FERMT1: variants seen among roughly 807,000 people sequenced by gnomAD.
FERMT1 encodes FERM domain containing kindlin 1.
A neutral mutation model predicts 85.3 loss-of-function variants in FERMT1; 60 were observed. The ratio of observed to expected loss-of-function variants is 0.70; its 90% CI spans 0.57 to 0.87. FERMT1 has a LOEUF of 0.87. FERMT1 is among the 40% of genes least tolerant of loss of function. The pLI is 0.00. For missense variants in FERMT1, 701 were observed against 818.9 expected, an observed-to-expected ratio of 0.86 and a Z score of 1.76; for synonymous variants, 275 against 301.1, an observed-to-expected ratio of 0.91 and a Z score of 0.90.
chr20:6,095,047 AACCTGC>A (rs1982465259), intron 8 of FERMT1, 59 bp from the exon 9 acceptor site: 1 of 897,450 alleles, frequency 1.1e-6, no homozygotes, highest in Admixed American at 1.7e-5. Flanking sequence ...GCTGATACTC[AACCTGC>A]ACTGTCTAAT....
chr20:6,114,234 T>C (rs991955959), intron 3 of FERMT1, among the ~76,000 whole-genome samples: 1 of 152,216 alleles, frequency 6.6e-6, no homozygotes, highest in African/African-American at 2.4e-5. Context: ...AAAATTTCAC[T>C]GTGAGCACTA....
intron 6 of FERMT1, among the ~76,000 whole-genome samples, chr20:6,107,223 A>G (rs1005790319): frequency 7.0e-6 from 1 of 143,516 alleles, no homozygotes; most frequent in Non-Finnish European, 1.5e-5. Flanking sequence ...AAAAAAAAAG[A>G]ACTCCAGCTC....
chr20:6,081,651 C>T lies in FERMT1; in HGVS notation c.1719-2074G>A, dbSNP rs543613312. 2.8e-4 allele frequency among the ~76,000 whole-genome samples: 42 copies of T among 152,038 alleles called. No homozygotes were observed. In the South Asian group the frequency reaches 8.1e-3, roughly 29 times the overall value. On this transcript the variant is annotated intron_variant, in intron 13 of 14. Transcript: ENST00000217289. Reference sequence around the variant, plus strand: ...AGCAAGGAATTGGAGGTAGTAGGTACGTACAATACATTCAAGAAGTTTTAC... The same window carrying T: ...AGCAAGGAATTGGAGGTAGTAGGTATGTACAATACATTCAAGAAGTTTTAC...
intron 13 of FERMT1, among the ~76,000 whole-genome samples, chr20:6,083,658 C>G (rs1011166381): frequency 4.8e-5 from 6 of 125,448 alleles, no homozygotes; most frequent in Admixed American, 8.2e-5. Flanking sequence ...ATGAGACACC[C>G]CCCCCCCCGG....
At chr20:6,095,855 T>C (rs940062564) in intron 8 of FERMT1, among the ~76,000 whole-genome samples, 9 of 152,190 alleles carry the variant, frequency 5.9e-5, no homozygotes, top group African/African-American at 1.2e-4. Context: ...AGAACATACA[T>C]TGAATGCAGA....
At chr20:6,116,721 C>T (rs1367589855) in intron 2 of FERMT1, among the ~76,000 whole-genome samples, 1 of 112,604 alleles carries the variant, frequency 8.9e-6, no homozygotes, top group Non-Finnish European at 1.8e-5. Context: ...AAGAGCAAAT[C>T]TCTGTCTCAA....
chr20:6,107,349 C>G (rs1982826901), intron 6 of FERMT1, among the ~76,000 whole-genome samples, 183 bp downstream of exon 6: 1 of 152,190 alleles, frequency 6.6e-6, no homozygotes, highest in South Asian at 2.1e-4. Flanking sequence ...GCTTACTGTG[C>G]TCAGTAGCGA....
chr20:6,084,782 C>T (rs1290988915), intron 12 of FERMT1, among the ~76,000 whole-genome samples: 2 of 151,920 alleles, frequency 1.3e-5, no homozygotes, highest in African/African-American at 2.4e-5. Flanking sequence ...CAGCCTCCAC[C>T]TCCTGGGCTC....
intron 14 of FERMT1, among the ~76,000 whole-genome samples, chr20:6,078,741 G>A (rs1981909413): frequency 1.3e-5 from 2 of 151,004 alleles, no homozygotes; most frequent in Non-Finnish European, 2.9e-5. Flanking sequence ...TTCCCACCTC[G>A]GCCTCCCAAA....
At chr20:6,087,141 AG>A (rs1240873240) in intron 11 of FERMT1, among the ~76,000 whole-genome samples, 1 of 152,092 alleles carries the variant, frequency 6.6e-6, no homozygotes, top group Non-Finnish European at 1.5e-5. Flanking sequence ...CCTCACCAAG[AG>A]GAGACCTTCC....
At chr20:6,093,413 G>C (rs1982418248) in intron 9 of FERMT1, among the ~76,000 whole-genome samples, 1 of 152,198 alleles carries the variant, frequency 6.6e-6, no homozygotes, top group African/African-American at 2.4e-5. Context: ...TAGCATAAGT[G>C]ATATGGATTC....
intron 6 of FERMT1, among the ~76,000 whole-genome samples, chr20:6,106,271 T>C (rs1465311469): frequency 1.3e-5 from 2 of 152,120 alleles, no homozygotes; most frequent in African/African-American, 4.8e-5. Flanking sequence ...AACCTCTCCT[T>C]AGAAATGACA....
intron 6 of FERMT1, among the ~76,000 whole-genome samples, chr20:6,101,701 GGAGTGCAATGGCGC>G (rs1201240621): frequency 6.6e-6 from 1 of 152,158 alleles, no homozygotes; most frequent in African/African-American, 2.4e-5. Flanking sequence ...TGCCCAGGCT[GGAGTGCAATGGCGC>G]GATCTCAGCT....
chr20:6,077,331 C>A lies in FERMT1; in HGVS notation c.1876G>T (p.Asp626Tyr). 1 of 1,614,048 alleles carries A rather than the reference C, an allele frequency of 6.2e-7. No individual in the cohort carries two copies. The highest frequency in any genetic ancestry group is 1.1e-5 in the South Asian group (1 of 91,054). Residue 626 changes from aspartate (D) to tyrosine (Y), a missense_variant, in exon 15 of 15, where the codon GAC (aspartate) becomes TAC (tyrosine). Coordinates refer to ENST00000217289, the MANE Select transcript of FERMT1 (RefSeq NM_017671.5). The stretch of plus-strand genomic sequence containing the variant: ...GTGAAAGCAGTAAAGACGTTTTGGT[C>A]AAACTCGATGACCACCTGGAAGAGG... ...WETRQVVIEF[D>Y]QNVFTAFTCL...
chr20:6,084,607 A>G (rs1015937009), intron 12 of FERMT1, among the ~76,000 whole-genome samples: 1 of 152,232 alleles, frequency 6.6e-6, no homozygotes, highest in Non-Finnish European at 1.5e-5. Flanking sequence ...CAATAATTTC[A>G]TAACATCATC....
At chr20:6,119,373 A>T (rs754891592) in intron 2 of FERMT1, 31 bp downstream of exon 2, 2 of 1,608,638 alleles carry the variant, frequency 1.2e-6, no homozygotes, top group Non-Finnish European at 1.7e-6. Context: ...GGTTTCTAAT[A>T]CAGAGAAACC....
intron 6 of FERMT1, among the ~76,000 whole-genome samples, chr20:6,100,587 G>GTAA (rs1337399077): frequency 6.6e-6 from 1 of 152,122 alleles, no homozygotes; most frequent in Admixed American, 6.6e-5. Context: ...TATTAAACAG[G>GTAA]TAAATGTATG....
At chr20:6,096,516 A>G (rs1387629149) in intron 8 of FERMT1, among the ~76,000 whole-genome samples, 1 of 152,142 alleles carries the variant, frequency 6.6e-6, no homozygotes, top group African/African-American at 2.4e-5. Flanking sequence ...AAAAAAGGAA[A>G]CAATTTTCTT....
At position 6,084,068 on chromosome 20, in the gene FERMT1, C is replaced by G; in HGVS notation, c.1690G>C (p.Glu564Gln). 1 of 1,614,146 alleles carries G rather than the reference C, an allele frequency of 6.2e-7. No homozygotes were observed. The change falls in exon 13 of 15, where the codon GAG becomes CAG. Residue 564 changes from glutamate (E) to glutamine (Q), a missense_variant. Transcript: ENST00000217289. ...RFIQAWQSLPEFGLTYYLVRF... is the reference protein window; with the variant it reads ...RFIQAWQSLPQFGLTYYLVRF... ...ACAAGGTAGTAGGTGAGGCCAAACT[C>G]AGGCAGTGACTGCCACGCCTGGATG...
Sources: allele counts gnomAD v4.1 joint callset (sites outside exome capture counted in the v4.1 genomes callset), GRCh38; gene constraint gnomAD v4.1.1; transcripts MANE v1.5; gene names NCBI Gene and HGNC (gene_info 2026-07-23, HGNC 2026-07-21).